Variants in SLC24A3 observed in about 807,000 individuals in gnomAD.
SLC24A3 encodes the protein sodium/potassium/calcium exchanger 3.
Under a neutral mutation model 75.8 loss-of-function variants are expected in SLC24A3, and 28 were observed. That is an observed-to-expected ratio of 0.37 (90% CI 0.27 to 0.51). The LOEUF is 0.51. Ranked by LOEUF, SLC24A3 falls within the 20% of genes least tolerant of loss-of-function variation. The probability of loss-of-function intolerance (pLI) is 0.94; values close to 1 mark genes in which losing one functional copy is unlikely to be tolerated. For synonymous variants in SLC24A3, 372 were observed against 334.1 expected, an observed-to-expected ratio of 1.11 and a Z score of -1.24; for missense variants, 663 against 847.8, an observed-to-expected ratio of 0.78 and a Z score of 2.71.
intron 2 of SLC24A3, among the ~76,000 whole-genome samples, chr20:19,483,644 G>T (rs1047505345): frequency 1.3e-5 from 2 of 152,142 alleles, no homozygotes; most frequent in African/African-American, 2.4e-5. Context: ...CTGTGAACAG[G>T]AAAAAAGCTA....
intron 3 of SLC24A3, among the ~76,000 whole-genome samples, chr20:19,526,494 T>C (rs1293202440): frequency 6.6e-6 from 1 of 152,238 alleles, no homozygotes; most frequent in African/African-American, 2.4e-5. Flanking sequence ...TGGATCAGGC[T>C]ATGGTCACTT....
intron 6 of SLC24A3, among the ~76,000 whole-genome samples, chr20:19,591,820 GA>G (rs1352758480): frequency 6.6e-6 from 1 of 152,188 alleles, no homozygotes; most frequent in Non-Finnish European, 1.5e-5. Context: ...ATAAAAAGCA[GA>G]GATAAATGAT....
chr20:19,644,625 A>C (rs1375513376), intron 6 of SLC24A3, among the ~76,000 whole-genome samples: 1 of 152,132 alleles, frequency 6.6e-6, no homozygotes, highest in African/African-American at 2.4e-5. Flanking sequence ...AAATATAGCC[A>C]AATTTCTCTC....
In SLC24A3 at chr20:19,585,427, G is replaced by A. The variant is rs1036741760; in HGVS notation, c.509-14G>A. 2 of 1,613,248 alleles carry A rather than the reference G, an allele frequency of 1.2e-6. No individual in the cohort carries two copies. The highest frequency in any genetic ancestry group is 1.7e-5 in the Admixed American group (1 of 59,942). On this transcript the variant is annotated splice_polypyrimidine_tract_variant and intron_variant, in intron 5 of 16. Transcript: ENST00000328041. The stretch of plus-strand genomic sequence containing the variant: ...GGCCACAACAGCCAGGCTGATGTGG[G>A]ATCTGTGTTTCAGGGGTCTTCATCA...
chr20:19,218,244 G>A (rs1981617713), intron 1 of SLC24A3, among the ~76,000 whole-genome samples: 1 of 152,152 alleles, frequency 6.6e-6, no homozygotes, highest in Non-Finnish European at 1.5e-5. Context: ...TTAGGTTGGC[G>A]CAAAACTAAC....
chr20:19,589,737 T>A (rs1158780576), intron 6 of SLC24A3, among the ~76,000 whole-genome samples: 1 of 152,106 alleles, frequency 6.6e-6, no homozygotes, highest in East Asian at 1.9e-4. Flanking sequence ...TCTCTAACGT[T>A]CAGGCACCAC....
intron 9 of SLC24A3, among the ~76,000 whole-genome samples, chr20:19,679,064 G>A (rs1245207761): frequency 7.2e-5 from 11 of 151,828 alleles, no homozygotes; most frequent in African/African-American, 1.5e-4. Flanking sequence ...GACGATGGGC[G>A]GCCAGGCAGA....
At chr20:19,423,306 C>T (rs777313602) in intron 2 of SLC24A3, among the ~76,000 whole-genome samples, 6 of 152,182 alleles carry the variant, frequency 3.9e-5, no homozygotes, top group Non-Finnish European at 1.5e-5. Context: ...TTCCTGCTTT[C>T]CCGCTCAGCC....
chr20:19,595,913 T>A (rs1315436566), intron 6 of SLC24A3, among the ~76,000 whole-genome samples: 1 of 152,090 alleles, frequency 6.6e-6, no homozygotes, highest in South Asian at 2.1e-4. Flanking sequence ...GAGAAGAAAC[T>A]TCCAGGTGGG....
intron 6 of SLC24A3, among the ~76,000 whole-genome samples, chr20:19,622,583 C>A (rs1275109351): frequency 6.6e-6 from 1 of 152,188 alleles, no homozygotes; most frequent in African/African-American, 2.4e-5. Flanking sequence ...TCATTCACAA[C>A]ACACCATGCT....
chr20:19,567,583 G>T (rs996964859), intron 3 of SLC24A3, among the ~76,000 whole-genome samples: 8 of 152,096 alleles, frequency 5.3e-5, no homozygotes, highest in African/African-American at 1.9e-4. Flanking sequence ...TGACTAAATG[G>T]TCTGTACACC....
chr20:19,412,502 G>C (rs1440404702), intron 2 of SLC24A3, among the ~76,000 whole-genome samples: 2 of 151,882 alleles, frequency 1.3e-5, no homozygotes, highest in Non-Finnish European at 2.9e-5. Flanking sequence ...AGAAGAAACA[G>C]AAGAGGGAGA....
chr20:19,302,361 A>G (rs567211101), intron 2 of SLC24A3, among the ~76,000 whole-genome samples: 2 of 152,380 alleles, frequency 1.3e-5, no homozygotes, highest in Non-Finnish European at 1.5e-5. Context: ...GAATGAATCC[A>G]TGTAACTTCT....
At chr20:19,699,306 A>G (rs6132228) in intron 15 of SLC24A3, among the ~76,000 whole-genome samples, 15,429 of 152,284 alleles carry the variant, frequency 0.1, 1,603 homozygotes, top group African/African-American at 0.25. Flanking sequence ...TGAAAGGGCA[A>G]CGCCCTGGCG....
At chr20:19,469,670 T>G (rs1414872549) in intron 2 of SLC24A3, among the ~76,000 whole-genome samples, 1 of 152,206 alleles carries the variant, frequency 6.6e-6, no homozygotes, top group Non-Finnish European at 1.5e-5. Flanking sequence ...CTCACTGATT[T>G]GCAAAATGAG....
intron 2 of SLC24A3, among the ~76,000 whole-genome samples, chr20:19,299,722 A>G (rs1385602341): frequency 6.6e-6 from 1 of 152,216 alleles, no homozygotes; most frequent in Non-Finnish European, 1.5e-5. Flanking sequence ...GTATCAGCAC[A>G]GAAGCACAGT....
At position 19,346,287 on chromosome 20, in the gene SLC24A3, GTA is replaced by G. The variant is rs796249430; in HGVS notation, c.271+65210_271+65211del. Among the ~76,000 whole-genome samples, 530 of 87,520 alleles carry G rather than the reference GTA, an allele frequency of 6.1e-3. 15 individuals are homozygous for G. Among genetic ancestry groups the G allele is most frequent in the Non-Finnish European group, 8.6e-3 (440 of 51,080 alleles). 57.4% of individuals were successfully genotyped at this position (87,520 alleles called of 152,430 possible). A position where few individuals can be genotyped will look rare whatever the true frequency, so the allele number is the denominator to read the frequency against. On this transcript the variant is annotated intron_variant, in intron 2 of 16. Coordinates refer to ENST00000328041, the MANE Select transcript of SLC24A3 (RefSeq NM_020689.4). ...TATATATATGGTGTATATATATATGGTATATATATATGGTGTATATATATATA... is the reference window on the plus strand; with the variant it reads ...TATATATATGGTGTATATATATATGGTATATATATGGTGTATATATATATA...
At chr20:19,490,631 G>A (rs887260915) in intron 2 of SLC24A3, among the ~76,000 whole-genome samples, 2 of 152,212 alleles carry the variant, frequency 1.3e-5, no homozygotes, top group African/African-American at 2.4e-5. Context: ...ATGTTAGGGT[G>A]AAGATTTTGC....
chr20:19,656,441 T>G (rs953322390), intron 7 of SLC24A3, among the ~76,000 whole-genome samples: 7 of 152,084 alleles, frequency 4.6e-5, no homozygotes, highest in African/African-American at 1.7e-4. Flanking sequence ...ATACATGAAC[T>G]ATGTTCTTAT....
Sources: allele counts gnomAD v4.1 joint callset (sites outside exome capture counted in the v4.1 genomes callset), GRCh38; gene constraint gnomAD v4.1.1; transcripts MANE v1.5; gene names NCBI Gene and HGNC (gene_info 2026-07-23, HGNC 2026-07-21).